The following NELL2 variants were observed in gnomAD, a reference collection of about 807,000 sequenced individuals.
NELL2 encodes neural EGFL like 2.
A neutral mutation model predicts 109.6 loss-of-function variants in NELL2; 41 were observed. The observed-to-expected ratio is 0.37, with a 90% CI of 0.29 to 0.49. The LOEUF (loss-of-function observed/expected upper bound fraction) is 0.49. NELL2 is among the 20% of genes least tolerant of loss of function. NELL2 has a pLI of 0.98. For missense variants in NELL2, 900 were observed against 1,008.3 expected, an observed-to-expected ratio of 0.89 and a Z score of 1.45; for synonymous variants, 355 against 344.7, an observed-to-expected ratio of 1.03 and a Z score of -0.33.
intron 12 of NELL2, among the ~76,000 whole-genome samples, chr12:44,686,828 A>C (rs921382545): frequency 1.2e-4 from 18 of 152,290 alleles, no homozygotes; most frequent in Non-Finnish European, 2.5e-4. Context: ...AGCTGTCAGA[A>C]GGGGACATTT....
At chr12:44,864,438 A>C (rs2039270970) in intron 2 of NELL2, among the ~76,000 whole-genome samples, 1 of 152,228 alleles carries the variant, frequency 6.6e-6, no homozygotes, top group African/African-American at 2.4e-5. Context: ...CATCAAATAA[A>C]GTAGACTTTA....
chr12:44,746,697 A>G (rs897986609), intron 9 of NELL2, among the ~76,000 whole-genome samples: 1 of 152,212 alleles, frequency 6.6e-6, no homozygotes, highest in Non-Finnish European at 1.5e-5. Context: ...CACATGAAAA[A>G]ATGCTCATCA....
intron 2 of NELL2, among the ~76,000 whole-genome samples, chr12:44,868,899 A>G (rs1193059022): frequency 6.6e-6 from 1 of 152,238 alleles, no homozygotes; most frequent in African/African-American, 2.4e-5. Context: ...AAAAAAAATT[A>G]TAAGTACATG....
intron 15 of NELL2, 42 bp from the exon 16 acceptor site, chr12:44,532,763 T>C (rs2139011103): frequency 1.3e-6 from 2 of 1,578,162 alleles, no homozygotes; most frequent in East Asian, 4.5e-5. Context: ...TTTATCTTCT[T>C]TGAAAGAAAC....
At chr12:44,570,880 TAAACCA>T (rs1369633589) in intron 15 of NELL2, among the ~76,000 whole-genome samples, 1 of 152,160 alleles carries the variant, frequency 6.6e-6, no homozygotes, top group Non-Finnish European at 1.5e-5. Flanking sequence ...GCATTATGTC[TAAACCA>T]AATTTAGCAA....
At chr12:44,876,724 A>ATG (rs1216081419), upstream of NELL2, 3 of 1,544,990 alleles carry the variant, frequency 1.9e-6, no homozygotes, top group African/African-American at 4.1e-5. Context: ...AGGGAAGCCC[A>ATG]TGTGCACTCG....
chr12:44,798,637 A>G (rs1235953715), intron 3 of NELL2, among the ~76,000 whole-genome samples: 1 of 152,182 alleles, frequency 6.6e-6, no homozygotes, highest in Non-Finnish European at 1.5e-5. Flanking sequence ...AATTATAAAG[A>G]AATGTGAAAA....
rs368494480 is a variant in NELL2, at chr12:44,562,741, T to C, written c.1664-30020A>G. Among the ~76,000 whole-genome samples, 14 of 152,358 alleles carry C rather than the reference T, an allele frequency of 9.2e-5. No homozygotes were observed. In the South Asian group the frequency reaches 1.7e-3, roughly 18 times the overall value. ...GTGGGAGTGTAAATTAGTTCAACCA[T>C]TGTGGAAGGCCATGTGGCAATTCCT... is the stretch of plus-strand genomic sequence containing the variant. On this transcript the variant is annotated intron_variant, in intron 15 of 19. Transcript: ENST00000429094.
At chr12:44,566,806 C>A (rs997228587) in intron 15 of NELL2, among the ~76,000 whole-genome samples, 3 of 152,010 alleles carry the variant, frequency 2.0e-5, no homozygotes, top group Admixed American at 1.3e-4. Context: ...ATGAAGTACT[C>A]TATTTACTAT....
At chr12:44,742,819 G>A (rs7963179) in intron 9 of NELL2, among the ~76,000 whole-genome samples, 2,027 of 152,242 alleles carry the variant, frequency 0.013, 37 homozygotes, top group African/African-American at 0.041. Context: ...CCAAATCTAC[G>A]TCTGATTGGC....
intron 3 of NELL2, among the ~76,000 whole-genome samples, chr12:44,798,960 T>C (rs1181842250): frequency 1.5e-5 from 2 of 134,812 alleles, no homozygotes; most frequent in East Asian, 2.1e-4. Flanking sequence ...TTTTTTTTTT[T>C]TTTTTTTTTT....
chr12:44,687,041 G>A (rs1158708759), intron 12 of NELL2, among the ~76,000 whole-genome samples: 1 of 152,186 alleles, frequency 6.6e-6, no homozygotes, highest in African/African-American at 2.4e-5. Flanking sequence ...AGACTGCTAT[G>A]CTAGCAATCA....
intron 9 of NELL2, among the ~76,000 whole-genome samples, chr12:44,744,915 C>T (rs4488263): frequency 0.22 from 33,245 of 151,906 alleles, 4,210 homozygotes; most frequent in African/African-American, 0.36. Context: ...ACTATTCCAA[C>T]CAATAGAAAA....
intron 9 of NELL2, 48 bp from the exon 10 acceptor site, chr12:44,714,789 CT>C: frequency 1.6e-6 from 2 of 1,230,698 alleles, no homozygotes; most frequent in South Asian, 1.4e-5. Context: ...GGAAAAATAG[CT>C]TAGAAGGGAT....
chr12:44,753,873 C>T (rs564192877), intron 9 of NELL2, among the ~76,000 whole-genome samples: 5 of 152,156 alleles, frequency 3.3e-5, no homozygotes, highest in Admixed American at 2.0e-4. Flanking sequence ...GTTAAAATTT[C>T]CCCTAATGAA....
chr12:44,587,818 G>A (rs1944581510), intron 15 of NELL2, among the ~76,000 whole-genome samples: 1 of 152,054 alleles, frequency 6.6e-6, no homozygotes, highest in Non-Finnish European at 1.5e-5. Context: ...CCAATCTATT[G>A]CTAAATTAGC....
intron 2 of NELL2, among the ~76,000 whole-genome samples, chr12:44,827,795 A>C (rs528423329): frequency 1.3e-5 from 2 of 152,230 alleles, no homozygotes; most frequent in East Asian, 1.9e-4. Flanking sequence ...TATCTCTTTG[A>C]TATACTGACT....
intron 12 of NELL2, among the ~76,000 whole-genome samples, chr12:44,667,465 TA>T: frequency 6.6e-6 from 1 of 152,318 alleles, no homozygotes; most frequent in East Asian, 1.9e-4. Flanking sequence ...AGTGTTGGAA[TA>T]AAAGTTCATT....
chr12:44,605,959 A>G (rs1431413619), intron 15 of NELL2, among the ~76,000 whole-genome samples: 1 of 152,144 alleles, frequency 6.6e-6, no homozygotes, highest in Non-Finnish European at 1.5e-5. Flanking sequence ...AAAAACCTGT[A>G]TTTCTAACAA....
Sources: allele counts gnomAD v4.1 joint callset (sites outside exome capture counted in the v4.1 genomes callset), GRCh38; gene constraint gnomAD v4.1.1; transcripts MANE v1.5; gene names NCBI Gene and HGNC (gene_info 2026-07-23, HGNC 2026-07-21).